ZNF680: variants seen among roughly 807,000 people sequenced by gnomAD.
ZNF680 encodes the protein hypothetical protein FLJ90430.
A neutral mutation model predicts 12.1 loss-of-function variants in ZNF680; 6 were observed. That is an observed-to-expected ratio of 0.49 (90% confidence interval 0.27 to 0.98). ZNF680 has a LOEUF of 0.98. Among genes scored for constraint, ZNF680 ranks in the 50% least tolerant of loss-of-function variants. The pLI is 0.12. For missense variants in ZNF680, 561 were observed against 616.3 expected, an observed-to-expected ratio of 0.91 and a Z score of 0.95; for synonymous variants, 170 against 199.3, an observed-to-expected ratio of 0.85 and a Z score of 1.24.
At chr7:64,546,105 A>T (rs1237376237) in intron 1 of ZNF680, among the ~76,000 whole-genome samples, 1 of 152,176 alleles carries the variant, frequency 6.6e-6, no homozygotes, top group Non-Finnish European at 1.5e-5. Flanking sequence ...CTCATTAGGG[A>T]GGAAAAGATT....
At position 64,530,883 on chromosome 7, in the gene ZNF680, T is replaced by A. The variant is rs544140588; in HGVS notation, c.254-8383A>T. ...AAAAAAAAAAATTTAAAAATAATAA[T>A]AATAATAATAGTAATAATAATAATA... is the stretch of plus-strand genomic sequence containing the variant. On this transcript the variant is annotated intron_variant, in intron 3 of 3. Coordinates refer to ENST00000309683, the MANE Select transcript of ZNF680 (RefSeq NM_178558.5). Among the ~76,000 whole-genome samples the A allele has an allele frequency of 2.1e-4, 31 of 148,706 alleles. No individual in the cohort carries two copies. In the South Asian group the frequency reaches 3.2e-3, roughly 15 times the overall value.
rs1413774273 is a variant in ZNF680, at chr7:64,543,779, G to A, written c.181C>T (p.Leu61=). The A allele has an allele frequency of 6.2e-7, 1 of 1,613,322 alleles. No homozygotes were observed. Among genetic ancestry groups the A allele is most frequent in the East Asian group, 2.2e-5 (1 of 44,808 alleles). The stretch of plus-strand genomic sequence containing the variant: ...TTTCCTTGCTCCAAACAGGTTATCA[G>A]GTGAGGCTTAGAGACAGCAATACCT... The part of the protein sequence containing the change: ...FLGIAVSKPH[L]ITCLEQGKEP... The change falls in exon 3 of 4, where the codon CTG becomes TTG. Residue 61 remains leucine (L), a synonymous_variant. Transcript: ENST00000309683.
intron 1 of ZNF680, chr7:64,551,928 A>C (rs1738882946): frequency 6.6e-6 from 1 of 152,264 alleles, no homozygotes; most frequent in Admixed American, 6.5e-5. Context: ...CAGCATGAGA[A>C]ACATGAGCAT....
intron 3 of ZNF680, among the ~76,000 whole-genome samples, chr7:64,539,314 G>A (rs1346646068): frequency 7.7e-6 from 1 of 130,060 alleles, no homozygotes; most frequent in African/African-American, 3.0e-5. Context: ...TGGCACCACT[G>A]CGCTCCAGCC....
At chr7:64,525,819 T>C in intron 3 of ZNF680, 1 of 984,388 alleles carries the variant, frequency 1.0e-6, no homozygotes, top group Non-Finnish European at 1.2e-6. Context: ...GGAGAATTTC[T>C]ATGACTTCTC....
chr7:64,555,281 CA>C (rs1787344809), intron 1 of ZNF680, among the ~76,000 whole-genome samples: 1 of 151,242 alleles, frequency 6.6e-6, no homozygotes, highest in African/African-American at 2.4e-5. Context: ...CAACCCTCAG[CA>C]AATTCCAAAA....
At chr7:64,554,850 C>CGGAA (rs974291685) in intron 1 of ZNF680, among the ~76,000 whole-genome samples, 8 of 152,086 alleles carry the variant, frequency 5.3e-5, no homozygotes, top group Non-Finnish European at 1.0e-4. Flanking sequence ...ACAAACACTG[C>CGGAA]GGAAGGCAGC....
At chr7:64,501,928 T>TA in the ZNF680 span, among the ~76,000 whole-genome samples, 3 of 152,014 alleles carry the variant, frequency 2.0e-5, no homozygotes, top group African/African-American at 4.8e-5. Flanking sequence ...TTTTGTTAAG[T>TA]CTTACCCTGT....
intron 3 of ZNF680, among the ~76,000 whole-genome samples, chr7:64,523,818 C>T (rs1313415368): frequency 6.6e-6 from 1 of 151,334 alleles, no homozygotes; most frequent in Non-Finnish European, 1.5e-5. Flanking sequence ...GAGGCTGAGG[C>T]GGGAGAATGG....
In ZNF680 at chr7:64,562,884, A is replaced by G. The variant is rs946844739; in HGVS notation, c.30+41T>C. The G allele has an allele frequency of 1.8e-5, 29 of 1,612,464 alleles. 1 individual carries two copies. The highest frequency in any genetic ancestry group is 1.7e-4 in the African/African-American group (13 of 74,810). Reference sequence around the variant, plus strand: ...CAGCCACTTCCGACCGGTTCCAACCAGCCCCTCCCCCTCTCTCGGGGTGTC... The same window carrying G: ...CAGCCACTTCCGACCGGTTCCAACCGGCCCCTCCCCCTCTCTCGGGGTGTC... On this transcript the variant is annotated intron_variant, in intron 1 of 3. Coordinates refer to ENST00000309683, the MANE Select transcript of ZNF680 (RefSeq NM_178558.5).
At chr7:64,562,168 G>A (rs1337598250) in intron 1 of ZNF680, among the ~76,000 whole-genome samples, 10 of 146,048 alleles carry the variant, frequency 6.8e-5, no homozygotes, top group Middle Eastern at 3.9e-3. Flanking sequence ...GGAGGCAGAG[G>A]TTGTAGTGAG....
chr7:64,521,026 T>C lies in ZNF680; in HGVS notation c.*135A>G, dbSNP rs1791498432. The C allele has an allele frequency of 3.1e-6, 3 of 982,648 alleles. No individual in the cohort carries two copies. Among genetic ancestry groups the C allele is most frequent in the East Asian group, 2.5e-5 (1 of 39,608 alleles). 60.9% of individuals were successfully genotyped at this position (982,648 alleles called of 1,614,324 possible). A position where few individuals can be genotyped will look rare whatever the true frequency, so the allele number is the denominator to read the frequency against. On this transcript the variant is annotated 3_prime_UTR_variant, in exon 4 of 4. Transcript: ENST00000309683. ...ATTGGTTAAGTTTTGTCACATTCTT[T>C]ACACTTATAAAGTTTTCTCCAATAT...
chr7:64,558,106 G>C (rs1333863330), intron 1 of ZNF680, among the ~76,000 whole-genome samples: 2 of 152,204 alleles, frequency 1.3e-5, no homozygotes, highest in East Asian at 1.9e-4. Context: ...AGGTGGGGCT[G>C]TACTTGTTTA....
Position 64,544,360 on chromosome 7 carries a change from G to A in ZNF680, c.103C>T (p.Arg35Trp), listed in dbSNP as rs184831961. Residue 35 changes from arginine (R) to tryptophan (W), a missense_variant, in exon 2 of 4, where the codon CGG (arginine) becomes TGG (tryptophan). By Grantham distance (101) the Arg-to-Trp change is moderately radical. Coordinates refer to ENST00000309683, the MANE Select transcript of ZNF680 (RefSeq NM_178558.5). ...EEWQCLDTAQ[R>W]NLYRKVMFEN... is the part of the protein sequence containing the mutation. ...AACATCACTTTCCTATATAAATTCC[G>A]TTGTGCAGTGTCCAGGCATTGCCAC... 6.2e-5 allele frequency: 100 copies of A among 1,604,244 alleles called. No homozygotes were observed. Among genetic ancestry groups the A allele is most frequent in the African/African-American group, 4.0e-5 (3 of 74,696 alleles).
chr7:64,531,132 T>C (rs1298025194), intron 3 of ZNF680, among the ~76,000 whole-genome samples: 2 of 151,938 alleles, frequency 1.3e-5, no homozygotes, highest in Non-Finnish European at 2.9e-5. Flanking sequence ...CAAATGGACT[T>C]AACAGATATA....
chr7:64,562,087 C>A (rs1787776212), intron 1 of ZNF680, among the ~76,000 whole-genome samples: 1 of 151,386 alleles, frequency 6.6e-6, no homozygotes, highest in South Asian at 2.1e-4. Flanking sequence ...CAAAAATTAG[C>A]CGGGCATGGT....
chr7:64,545,586 A>G (rs1786747520), intron 1 of ZNF680, among the ~76,000 whole-genome samples: 1 of 152,238 alleles, frequency 6.6e-6, no homozygotes, highest in Admixed American at 6.5e-5. Context: ...CTGCCCCCAA[A>G]AAGTAAATTA....
intron 1 of ZNF680, among the ~76,000 whole-genome samples, chr7:64,554,197 G>A (rs1183337728): frequency 6.2e-5 from 9 of 145,356 alleles, no homozygotes; most frequent in African/African-American, 1.6e-4. Context: ...CTGCCCCGCC[G>A]CCCCGTCTGA....
At chr7:64,547,129 T>A (rs943191698) in intron 1 of ZNF680, among the ~76,000 whole-genome samples, 7 of 152,084 alleles carry the variant, frequency 4.6e-5, no homozygotes, top group Non-Finnish European at 8.8e-5. Flanking sequence ...TTAATGAGCT[T>A]ATAAATCACT....
Sources: gnomAD v4.1 joint callset for allele counts (sites outside exome capture counted in the v4.1 genomes callset) on GRCh38, gnomAD v4.1.1 for gene constraint, MANE v1.5 for transcripts, NCBI Gene and HGNC (gene_info 2026-07-23, HGNC 2026-07-21) for gene names.